LPP: variants seen among roughly 807,000 people sequenced by gnomAD.
LPP encodes lipoma-preferred partner.
In LPP, 38 loss-of-function variants were observed where a neutral mutation model predicts 60.4. The ratio of observed to expected loss-of-function variants is 0.63; its 90% confidence interval spans 0.49 to 0.83. The LOEUF (loss-of-function observed/expected upper bound fraction) is 0.83. LPP is among the 40% of genes least tolerant of loss of function. The pLI is 0.00. For synonymous variants in LPP, 328 were observed against 290.8 expected (o/e 1.13, Z -1.30); for missense variants, 902 against 783.6 (o/e 1.15, Z -1.80).
chr3:188,789,596 G>C (rs778412695), intron 9 of LPP, among the ~76,000 whole-genome samples: 9 of 152,022 alleles, frequency 5.9e-5, no homozygotes, highest in Non-Finnish European at 1.0e-4. Flanking sequence ...TCCAGCTTTT[G>C]ATGTGCTTGC....
At chr3:188,155,025 C>G (rs1715800971) in intron 1 of LPP, among the ~76,000 whole-genome samples, 2 of 151,988 alleles carry the variant, frequency 1.3e-5, no homozygotes, top group Admixed American at 1.3e-4. Flanking sequence ...TCGAGGGAAC[C>G]GTGGGCCAGA....
intron 4 of LPP, among the ~76,000 whole-genome samples, chr3:188,423,345 T>C (rs538578878): frequency 1.3e-5 from 2 of 152,320 alleles, no homozygotes; most frequent in African/African-American, 4.8e-5. Context: ...CAGTCTATCA[T>C]TGTTGGGCAT....
intron 2 of LPP, among the ~76,000 whole-genome samples, chr3:188,334,356 T>A (rs555882564): frequency 1.1e-3 from 158 of 145,014 alleles, no homozygotes; most frequent in Admixed American, 1.5e-3. Context: ...TTATTGAAAA[T>A]GTTTTTTTTT....
At chr3:188,487,517 T>C (rs1806916698) in intron 5 of LPP, among the ~76,000 whole-genome samples, 1 of 152,118 alleles carries the variant, frequency 6.6e-6, no homozygotes, top group Non-Finnish European at 1.5e-5. Flanking sequence ...GGGAGGAGGA[T>C]AAAAAATAAA....
chr3:188,754,209 T>C (rs2150373399), intron 8 of LPP, among the ~76,000 whole-genome samples: 1 of 152,284 alleles, frequency 6.6e-6, no homozygotes, highest in African/African-American at 2.4e-5. Context: ...TCGCAGTGCT[T>C]CCAATTAATA....
chr3:188,875,751 G>C lies in LPP; in HGVS notation c.*1272G>C, dbSNP rs991427773. On this transcript the variant is annotated 3_prime_UTR_variant, in exon 12 of 12. Transcript: ENST00000617246. Reference sequence around the variant, plus strand: ...TGAGCTAAAAATATGCAGAATCTCTGCCTAGAATCTTTATTCAAACTTTTA... The same window carrying C: ...TGAGCTAAAAATATGCAGAATCTCTCCCTAGAATCTTTATTCAAACTTTTA... 1.0e-5 allele frequency: 2 copies of C among 200,004 alleles called. No homozygotes were observed. Among genetic ancestry groups the C allele is most frequent in the African/African-American group, 4.6e-5 (2 of 43,438 alleles). 12.4% of individuals were successfully genotyped at this position (200,004 alleles called of 1,614,324 possible). A position where few individuals can be genotyped will look rare whatever the true frequency, so the allele number is the denominator to read the frequency against.
intron 1 of LPP, among the ~76,000 whole-genome samples, chr3:188,172,259 T>G (rs1280062682): frequency 6.6e-6 from 1 of 152,234 alleles, no homozygotes; most frequent in Non-Finnish European, 1.5e-5. Context: ...TATGTAGTGC[T>G]TAAGGGCCAG....
intron 6 of LPP, among the ~76,000 whole-genome samples, chr3:188,589,625 T>C (rs1838236655): frequency 6.6e-6 from 1 of 152,202 alleles, no homozygotes; most frequent in Non-Finnish European, 1.5e-5. Flanking sequence ...CTGTATCCTA[T>C]GATAAAAGTT....
At chr3:188,362,120 G>C (rs1466746401) in intron 3 of LPP, among the ~76,000 whole-genome samples, 1 of 152,140 alleles carries the variant, frequency 6.6e-6, no homozygotes, top group Non-Finnish European at 1.5e-5. Context: ...GTATGAAGGA[G>C]GGGTTTCCTG....
intron 2 of LPP, among the ~76,000 whole-genome samples, chr3:188,334,844 C>A (rs530710214): frequency 1.1e-3 from 168 of 152,218 alleles, no homozygotes; most frequent in Admixed American, 1.4e-3. Flanking sequence ...TCTTTGCCAG[C>A]GTTTCTTATT....
intron 1 of LPP, among the ~76,000 whole-genome samples, chr3:188,219,613 T>G (rs1316687773): frequency 2.0e-5 from 3 of 152,154 alleles, no homozygotes; most frequent in African/African-American, 7.2e-5. Flanking sequence ...AGTTTTGCTG[T>G]GAAACATTTA....
At chr3:188,208,554 A>G (rs1466003084) in intron 1 of LPP, among the ~76,000 whole-genome samples, 1 of 152,208 alleles carries the variant, frequency 6.6e-6, no homozygotes, top group Admixed American at 6.5e-5. Flanking sequence ...CCACGGGCTT[A>G]TTTCAGAGAG....
intron 2 of LPP, among the ~76,000 whole-genome samples, chr3:188,246,906 A>C (rs1368560899): frequency 1.3e-5 from 2 of 152,224 alleles, no homozygotes; most frequent in Non-Finnish European, 2.9e-5. Flanking sequence ...CTCAGACCAG[A>C]AATGATGGGA....
In LPP at chr3:188,884,513, A is replaced by G. The variant is rs749599419; in HGVS notation, c.*10034A>G. 3.1e-5 allele frequency: 7 copies of G among 228,878 alleles called. No individual in the cohort carries two copies. The highest frequency in any genetic ancestry group is 6.1e-5 in the Non-Finnish European group (7 of 115,448). The allele number at this position is 228,878 out of a possible 1,614,324, so 14.2% of individuals were successfully genotyped here. On this transcript the variant is annotated 3_prime_UTR_variant, in exon 12 of 12. Coordinates refer to ENST00000617246, the MANE Select transcript of LPP (RefSeq NM_001375462.1). ...TTCTGTCTGATCAGCACTGTGAGGA[A>G]GTTGGTGGGAAAAGGCCACTGATAA... is the stretch of plus-strand genomic sequence containing the variant.
chr3:188,230,860 A>T (rs1277689850), intron 2 of LPP, among the ~76,000 whole-genome samples: 1 of 152,018 alleles, frequency 6.6e-6, no homozygotes, highest in African/African-American at 2.4e-5. Context: ...GTGCCACAAG[A>T]TCTCTCACCA....
intron 6 of LPP, among the ~76,000 whole-genome samples, chr3:188,580,082 A>T (rs920342324): frequency 1.3e-5 from 2 of 152,178 alleles, no homozygotes; most frequent in Non-Finnish European, 2.9e-5. Flanking sequence ...TCTCAGGTTT[A>T]AACCTCGGCT....
intron 7 of LPP, chr3:188,688,851 C>T (rs1403809755): frequency 1.9e-6 from 1 of 524,014 alleles, no homozygotes; most frequent in Admixed American, 2.1e-5. Flanking sequence ...TTGTGAGCTC[C>T]TGGAGGGCAG....
intron 4 of LPP, among the ~76,000 whole-genome samples, chr3:188,409,855 C>A (rs1186233366): frequency 6.6e-6 from 1 of 152,174 alleles, no homozygotes; most frequent in African/African-American, 2.4e-5. Flanking sequence ...GTGAAAACTG[C>A]AGTCTAGAGA....
intron 7 of LPP, among the ~76,000 whole-genome samples, chr3:188,611,820 A>G (rs904530937): frequency 5.3e-5 from 8 of 152,204 alleles, no homozygotes; most frequent in Admixed American, 5.2e-4. Flanking sequence ...CACTCTGGCC[A>G]GCCTCTCTTC....
Sources: allele counts gnomAD v4.1 joint callset (sites outside exome capture counted in the v4.1 genomes callset), GRCh38; gene constraint gnomAD v4.1.1; transcripts MANE v1.5; gene names NCBI Gene and HGNC (gene_info 2026-07-23, HGNC 2026-07-21).